The following PDE6A variants were observed in gnomAD, a reference collection of about 807,000 sequenced individuals.
PDE6A encodes the protein phosphodiesterase 6A.
Under a neutral mutation model 106.3 loss-of-function variants are expected in PDE6A, and 84 were observed. The ratio of observed to expected loss-of-function variants is 0.79; its 90% CI spans 0.66 to 0.95. The LOEUF is 0.95. PDE6A is among the 40% of genes least tolerant of loss of function. The pLI, the probability that PDE6A is intolerant of heterozygous loss-of-function variation, is 0.00. For synonymous variants in PDE6A, 394 were observed against 386.6 expected (o/e 1.02, Z -0.23); for missense variants, 1,052 against 1,084.9 (o/e 0.97, Z 0.43).
At chr5:149,866,399 A>G (rs1760332837) in intron 19 of PDE6A, 146 bp from the exon 20 acceptor site, 1 of 652,378 alleles carries the variant, frequency 1.5e-6, no homozygotes, top group Non-Finnish European at 2.8e-6. Context: ...GAATAGAGAA[A>G]CATGTTAAAG....
chr5:149,927,659 A>G (rs866819738), intron 4 of PDE6A, among the ~76,000 whole-genome samples: 17 of 152,026 alleles, frequency 1.1e-4, no homozygotes, highest in African/African-American at 4.1e-4. Context: ...TCTTGTAATA[A>G]CACTTAGCTT....
chr5:149,937,402 G>T (rs775609625), intron 1 of PDE6A, among the ~76,000 whole-genome samples: 2 of 152,166 alleles, frequency 1.3e-5, no homozygotes, highest in Non-Finnish European at 2.9e-5. Context: ...TTTTGAGACA[G>T]AGTCTTGCTC....
At position 149,867,750 on chromosome 5, in the gene PDE6A, C is replaced by T. The variant is rs146145709; in HGVS notation, c.2249G>A (p.Arg750His). ...AEFWEQGDLERTVLQQNPIPM... is the reference protein window; with the variant it reads ...AEFWEQGDLEHTVLQQNPIPM... ...AATGGGATTCTGTTGCAGCACCGTGCGCTCCAGGTCACCTTGTTCCCAGAA... is the reference window on the plus strand; with the variant it reads ...AATGGGATTCTGTTGCAGCACCGTGTGCTCCAGGTCACCTTGTTCCCAGAA... Residue 750 changes from arginine (R) to histidine (H), a missense_variant, in exon 19 of 22, where the codon CGC becomes CAC. Arg to His is a conservative substitution (Grantham distance 29, BLOSUM62 0). This residue lies in a region of PDE6A where 135 missense variants were observed against 153.2 expected (regional missense o/e 0.88). Coordinates refer to ENST00000255266, the MANE Select transcript of PDE6A (RefSeq NM_000440.3). 143 of 1,613,802 alleles carry T rather than the reference C, an allele frequency of 8.9e-5. 1 individual carries two copies. The East Asian group carries it at 1.5e-3, about 17-fold the overall frequency.
intron 13 of PDE6A, among the ~76,000 whole-genome samples, chr5:149,889,232 A>G (rs1157766001): frequency 6.6e-6 from 1 of 152,004 alleles, no homozygotes; most frequent in Non-Finnish European, 1.5e-5. Context: ...TTCTTTGAGT[A>G]TTGGTCTGCT....
intron 5 of PDE6A, among the ~76,000 whole-genome samples, chr5:149,920,994 G>GAAAGAA (rs1753702710): frequency 7.4e-6 from 1 of 135,482 alleles, no homozygotes; most frequent in Admixed American, 7.5e-5. Context: ...AAGAAAGAAA[G>GAAAGAA]AAAAAGAAAG....
chr5:149,914,818 C>T (rs111297579), intron 6 of PDE6A, 125 bp downstream of exon 6: 1 of 752,898 alleles, frequency 1.3e-6, no homozygotes. Context: ...ATAAAGTCAA[C>T]CTTGTCAGAA....
intron 4 of PDE6A, among the ~76,000 whole-genome samples, chr5:149,924,253 T>C (rs1753812667): frequency 1.3e-5 from 2 of 152,014 alleles, no homozygotes; most frequent in Admixed American, 6.6e-5. Flanking sequence ...AGAGGATAAA[T>C]GCTAGAGGAG....
At chr5:149,918,843 GA>G (rs967522633) in intron 5 of PDE6A, among the ~76,000 whole-genome samples, 1 of 151,676 alleles carries the variant, frequency 6.6e-6, no homozygotes, top group African/African-American at 2.4e-5. Flanking sequence ...GGCAGGTCTT[GA>G]ACTCCTGGCC....
intron 17 of PDE6A, among the ~76,000 whole-genome samples, chr5:149,868,988 T>C (rs969393100): frequency 1.3e-5 from 2 of 151,982 alleles, no homozygotes; most frequent in African/African-American, 4.8e-5. Context: ...AGAAAACATA[T>C]GGTGTAAAGA....
In PDE6A at chr5:149,931,063, A is replaced by G. The variant is rs1561782233; in HGVS notation, c.823T>C (p.Tyr275His). The change falls in exon 4 of 22, where the codon TAC becomes CAC. Residue 275 changes from tyrosine (Y) to histidine (H), a missense_variant. Coordinates refer to ENST00000255266, the MANE Select transcript of PDE6A (RefSeq NM_000440.3). The stretch of plus-strand genomic sequence containing the variant: ...GTCATGTCTAAGAGACCCACAGAGT[A>G]TCTGTCACAGTTGAGGAAAGCACGG... ...TVRAFLNCDRYSVGLLDMTKQ... is the reference protein window; with the variant it reads ...TVRAFLNCDRHSVGLLDMTKQ... 9 of 1,614,048 alleles carry G rather than the reference A, an allele frequency of 5.6e-6. No individual in the cohort carries two copies. The highest frequency in any genetic ancestry group is 1.7e-5 in the Admixed American group (1 of 60,028).
At chr5:149,875,487 ATT>A (rs201444448) in intron 17 of PDE6A, among the ~76,000 whole-genome samples, 23 of 137,748 alleles carry the variant, frequency 1.7e-4, no homozygotes, top group African/African-American at 2.4e-4. Context: ...CATACTGACT[ATT>A]TTTTTTTTTT....
intron 7 of PDE6A, 43 bp from the exon 8 acceptor site, chr5:149,903,738 G>C (rs115655551): frequency 6.7e-7 from 1 of 1,503,296 alleles, no homozygotes; most frequent in Non-Finnish European, 9.3e-7. Context: ...GATTAGGCCT[G>C]AGAGGGTGCC....
intron 1 of PDE6A, among the ~76,000 whole-genome samples, chr5:149,940,894 G>A (rs895939821): frequency 1.3e-5 from 2 of 152,304 alleles, no homozygotes; most frequent in East Asian, 1.9e-4. Flanking sequence ...AAATAAGGCA[G>A]TTGGATAAGA....
chr5:149,929,606 C>CAAAA (rs1554092080), intron 4 of PDE6A, among the ~76,000 whole-genome samples: 4 of 71,446 alleles, frequency 5.6e-5, no homozygotes, highest in Non-Finnish European at 1.2e-4. Context: ...GACTCCGTCT[C>CAAAA]AAAAAATAAA....
chr5:149,916,971 A>G (rs556814903), intron 5 of PDE6A, among the ~76,000 whole-genome samples: 84 of 152,178 alleles, frequency 5.5e-4, no homozygotes, highest in African/African-American at 2.0e-3. Flanking sequence ...AAAAACAGAA[A>G]CTGAGAGTCA....
intron 5 of PDE6A, among the ~76,000 whole-genome samples, chr5:149,916,406 AG>A (rs1237200040): frequency 6.6e-6 from 1 of 152,176 alleles, no homozygotes; most frequent in Non-Finnish European, 1.5e-5. Context: ...TCCTCCCTGC[AG>A]GGTGCATCTC....
intron 13 of PDE6A, among the ~76,000 whole-genome samples, chr5:149,890,730 AG>A (rs1242556809): frequency 1.3e-5 from 2 of 152,212 alleles, no homozygotes. Context: ...CTTCTTCATA[AG>A]ATCATACCAT....
In PDE6A at chr5:149,944,588, C is replaced by G. The variant is rs201008270; in HGVS notation, c.86G>C (p.Arg29Pro). Residue 29 changes from arginine to proline, a missense_variant, in exon 1 of 22, where the codon CGG (arginine) becomes CCG (proline). This residue lies in a region of PDE6A where 913 missense variants were observed against 915.2 expected (regional missense o/e 1.00). Transcript: ENST00000255266. ...AAGGAGGTCGGAGATGAGCTTGGCC[C>G]GGTAGTGGAGGTTGTAGTACTGTTT... ...FAKQYYNLHY[R>P]AKLISDLLGA... The G allele has an allele frequency of 4.8e-5, 78 of 1,613,976 alleles. 1 individual carries two copies. The African/African-American group carries it at 8.3e-4, about 17-fold the overall frequency.
chr5:149,915,032 C>CAT, intron 5 of PDE6A, 25 bp from the exon 6 acceptor site: 1 of 795,818 alleles, frequency 1.3e-6, no homozygotes, highest in Non-Finnish European at 1.8e-6. Flanking sequence ...AAAAATTATA[C>CAT]TTTTTTTTTT....
Sources: gnomAD v4.1 joint callset for allele counts (sites outside exome capture counted in the v4.1 genomes callset) on GRCh38, gnomAD v4.1.1 for gene constraint, gnomAD v4.1.1 regional missense constraint, MANE v1.5 for transcripts, NCBI Gene and HGNC (gene_info 2026-07-23, HGNC 2026-07-21) for gene names.